Variants in SLC11A2 observed in about 807,000 individuals in gnomAD.
SLC11A2 encodes natural resistance-associated macrophage protein 2.
SLC11A2 carries 38 observed loss-of-function variants against 68.0 expected under a neutral mutation model. That is an observed-to-expected ratio of 0.56 (90% confidence interval 0.43 to 0.73). The LOEUF (loss-of-function observed/expected upper bound fraction) is 0.73. Ranked by LOEUF, SLC11A2 falls within the 30% of genes least tolerant of loss-of-function variation. SLC11A2 has a pLI of 0.00. For missense variants in SLC11A2, 517 were observed against 690.5 expected (o/e 0.75, Z 2.82); for synonymous variants, 242 against 250.6 (o/e 0.97, Z 0.32).
At chr12:50,964,525 G>A in the SLC11A2 span, among the ~76,000 whole-genome samples, 1 of 152,114 alleles carries the variant, frequency 6.6e-6, no homozygotes, top group Admixed American at 6.6e-5. Flanking sequence ...TGAACTAAAG[G>A]GATGTCCTGT....
In SLC11A2 at chr12:50,988,343, G is replaced by A. The variant is rs138631775; in HGVS notation, c.1668C>T (p.Thr556=). 2.8e-5 allele frequency: 45 copies of A among 1,614,020 alleles called. No homozygotes were observed. In the African/African-American group the frequency reaches 4.8e-4, roughly 17 times the overall value. The stretch of plus-strand genomic sequence containing the variant: ...TCCAGTGTTATTTAACGTAGCCACG[G>A]GTGGCTTCTTCTGTCAGCAGGCCTT... ...ISKGLLTEEA[T]RGYVK Residue 556 remains threonine (T), a synonymous_variant, in exon 16 of 16, where the codon ACC becomes ACT. Transcript: ENST00000262052.
chr12:50,992,107 G>T, intron 13 of SLC11A2, 83 bp downstream of exon 13: 1 of 1,334,224 alleles, frequency 7.5e-7, no homozygotes. Flanking sequence ...TATCCCCCCA[G>T]CACTCAGCTA....
rs1460480351 is a variant in SLC11A2, at chr12:50,990,957, G to A, written c.1422-9C>T. On this transcript the variant is annotated splice_polypyrimidine_tract_variant and intron_variant, in intron 14 of 15. Transcript: ENST00000262052. ...CTGCAATCCGCCAGCCTCTGTAAAA[G>A]AAATCAGCACAGTCACTGATGGAAT... 6.2e-7 allele frequency: 1 copy of A among 1,613,604 alleles called. No homozygotes were observed. Among genetic ancestry groups the A allele is most frequent in the Admixed American group, 1.7e-5 (1 of 59,996 alleles).
At chr12:50,992,682 A>C in intron 12 of SLC11A2, 128 bp downstream of exon 12, 1 of 989,852 alleles carries the variant, frequency 1.0e-6, no homozygotes, top group East Asian at 2.5e-5. Flanking sequence ...CAGTGAGCCG[A>C]GATCATGCCA....
downstream of SLC11A2, among the ~76,000 whole-genome samples, chr12:50,975,987 G>A (rs1163353899): frequency 6.6e-6 from 1 of 152,128 alleles, no homozygotes; most frequent in African/African-American, 2.4e-5. Flanking sequence ...CTCTGAAATT[G>A]AGGCAATAAT....
the SLC11A2 span, chr12:50,953,928 A>C: frequency 2.3e-6 from 2 of 869,674 alleles, no homozygotes; most frequent in Non-Finnish European, 3.8e-6. Context: ...GTATGATGGG[A>C]GAGGAAAAAC....
At chr12:50,960,241 T>C in the SLC11A2 span, among the ~76,000 whole-genome samples, 1 of 152,332 alleles carries the variant, frequency 6.6e-6, no homozygotes, top group African/African-American at 2.4e-5. Flanking sequence ...TTTCACTTTA[T>C]ATAGAAGCAC....
chr12:50,960,197 T>C, the SLC11A2 span, among the ~76,000 whole-genome samples: 8 of 152,212 alleles, frequency 5.3e-5, no homozygotes, highest in African/African-American at 1.7e-4. Flanking sequence ...TGTGCATATA[T>C]TCATACCTTT....
chr12:51,012,349 T>TA (rs11383719), intron 1 of SLC11A2, among the ~76,000 whole-genome samples: 36,801 of 144,974 alleles, frequency 0.25, 5,246 homozygotes, highest in African/African-American at 0.42. Context: ...ATAAGGCTAT[T>TA]AAAAAAAAAA....
chr12:50,975,740 G>A (rs1033365314), downstream of SLC11A2, among the ~76,000 whole-genome samples: 21 of 152,030 alleles, frequency 1.4e-4, no homozygotes, highest in East Asian at 7.7e-4. Flanking sequence ...TTGATAGACC[G>A]CTAGCAAGAG....
chr12:50,985,869 AAC>A, downstream of SLC11A2: 2 of 963,974 alleles, frequency 2.1e-6, no homozygotes, highest in Non-Finnish European at 2.6e-6. Context: ...AGAAAATCCT[AAC>A]AGTGTGGACT....
At position 50,986,300 on chromosome 12, in the gene SLC11A2, T is replaced by C; in HGVS notation, c.*2025A>G. On this transcript the variant is annotated 3_prime_UTR_variant, in exon 16 of 16. Coordinates refer to ENST00000262052, the MANE Select transcript of SLC11A2 (RefSeq NM_000617.3). ...GACTTAAATTTCTACATATTATTTA[T>C]TGCACCCAGAGTACTGGTTAAAATG... 7.8e-7 allele frequency: 1 copy of C among 1,286,658 alleles called. No individual in the cohort carries two copies. Among genetic ancestry groups the C allele is most frequent in the Non-Finnish European group, 1.0e-6 (1 of 988,152 alleles). 79.7% of individuals were successfully genotyped at this position (1,286,658 alleles called of 1,614,324 possible).
At chr12:50,983,198 T>G (rs1175834159), downstream of SLC11A2, among the ~76,000 whole-genome samples, 1 of 152,164 alleles carries the variant, frequency 6.6e-6, no homozygotes, top group Non-Finnish European at 1.5e-5. Flanking sequence ...AATTTTTTTG[T>G]AGACAGGGTT....
intron 1 of SLC11A2, chr12:51,024,336 A>G (rs1944240039): frequency 6.6e-6 from 1 of 152,212 alleles, no homozygotes; most frequent in Non-Finnish European, 1.5e-5. Flanking sequence ...GAGAATAAAG[A>G]TGTCTTTGAT....
intron 3 of SLC11A2, among the ~76,000 whole-genome samples, chr12:51,007,200 C>T (rs1486850889): frequency 6.6e-5 from 10 of 152,136 alleles, no homozygotes; most frequent in Admixed American, 4.6e-4. Flanking sequence ...ACCCCTAAAA[C>T]GTATAAAATC....
At chr12:51,026,648 C>G (rs939697449), upstream of SLC11A2, among the ~76,000 whole-genome samples, 7 of 152,056 alleles carry the variant, frequency 4.6e-5, no homozygotes, top group African/African-American at 1.7e-4. Flanking sequence ...CGCTAGCAGT[C>G]TGGGGACAGA....
upstream of SLC11A2, chr12:51,028,529 G>C: frequency 3.2e-6 from 1 of 311,644 alleles, no homozygotes. Flanking sequence ...AGGAGCAAGA[G>C]TAGGTGGCAA....
chr12:51,025,898 C>A, intron 1 of SLC11A2: 1 of 988,716 alleles, frequency 1.0e-6, no homozygotes, highest in Non-Finnish European at 1.2e-6. Flanking sequence ...CGGCCCCCTG[C>A]GGCGCCGACG....
downstream of SLC11A2, among the ~76,000 whole-genome samples, chr12:50,978,317 C>G (rs1939878517): frequency 6.6e-6 from 1 of 151,800 alleles, no homozygotes; most frequent in African/African-American, 2.4e-5. Flanking sequence ...CAGCCATAAA[C>G]AATGATGAGT....
Sources: gnomAD v4.1 joint callset for allele counts (sites outside exome capture counted in the v4.1 genomes callset) on GRCh38, gnomAD v4.1.1 for gene constraint, MANE v1.5 for transcripts, NCBI Gene and HGNC (gene_info 2026-07-23, HGNC 2026-07-21) for gene names.